Variants in KCNT2 observed in about 807,000 individuals in gnomAD.
KCNT2 encodes the protein potassium channel subfamily T member 2.
In KCNT2, 67 loss-of-function variants were observed where a neutral mutation model predicts 153.8. The ratio of observed to expected loss-of-function variants is 0.44; its 90% CI spans 0.36 to 0.53. The LOEUF (loss-of-function observed/expected upper bound fraction) is 0.53, where lower values mean the gene tolerates loss of function less well. Ranked by LOEUF, KCNT2 falls within the 20% of genes least tolerant of loss-of-function variation. KCNT2 has a pLI of 0.00. For missense variants in KCNT2, 975 were observed against 1,354.8 expected (o/e 0.72, Z 4.40); for synonymous variants, 500 against 458.8 (o/e 1.09, Z -1.15).
rs1159381740 is a variant in KCNT2, at chr1:196,398,575, T to C, written c.1282A>G (p.Ile428Val). ...GATAAAAACTTACCAGCAAATTTGA[T>C]GTGAAATTTATTTTCAGGCTTTAAT... ...QILKPENKFH[I>V]KFADHVVCEE... is the part of the protein sequence containing the mutation. Residue 428 changes from isoleucine (I) to valine (V), a missense_variant, in exon 13 of 28, where the codon ATC becomes GTC. Around this residue, in one of 6 missense-constraint regions of KCNT2, gnomAD observed 202 missense variants for 314.9 expected, o/e 0.64. Transcript: ENST00000294725. 1.3e-6 allele frequency: 2 copies of C among 1,587,050 alleles called. No homozygotes were observed. The highest frequency in any genetic ancestry group is 1.7e-6 in the Non-Finnish European group (2 of 1,157,802).
chr1:196,245,124 G>T (rs1352724055), intron 26 of KCNT2, among the ~76,000 whole-genome samples: 1 of 152,182 alleles, frequency 6.6e-6, no homozygotes, highest in Non-Finnish European at 1.5e-5. Flanking sequence ...GTCTGTAAGA[G>T]CCACAGCATT....
At chr1:196,240,008 C>T (rs1004243330) in intron 26 of KCNT2, among the ~76,000 whole-genome samples, 2 of 151,984 alleles carry the variant, frequency 1.3e-5, no homozygotes, top group African/African-American at 4.8e-5. Flanking sequence ...ATTTTGGGCA[C>T]CTTGATGTTG....
At chr1:196,573,660 C>T (rs375204362) in intron 1 of KCNT2, among the ~76,000 whole-genome samples, 32 of 150,712 alleles carry the variant, frequency 2.1e-4, no homozygotes, top group Middle Eastern at 3.4e-3. Context: ...AAGAAAGAGA[C>T]GGAAGGAGGA....
intron 5 of KCNT2, among the ~76,000 whole-genome samples, chr1:196,477,765 T>A (rs769132196): frequency 2.0e-5 from 3 of 152,202 alleles, no homozygotes; most frequent in Non-Finnish European, 4.4e-5. Context: ...CTTCCCTGAT[T>A]GTTCTATTAT....
chr1:196,599,566 G>A (rs12239898), intron 1 of KCNT2, among the ~76,000 whole-genome samples: 19,321 of 152,154 alleles, frequency 0.13, 3,848 homozygotes, highest in African/African-American at 0.43. Context: ...CTTTAAAGCC[G>A]TGGCATAATT....
At chr1:196,373,956 T>C (rs1668736298) in intron 13 of KCNT2, among the ~76,000 whole-genome samples, 1 of 151,758 alleles carries the variant, frequency 6.6e-6, no homozygotes, top group Non-Finnish European at 1.5e-5. Flanking sequence ...TGAGAGCACA[T>C]GGGAAAGTGC....
At chr1:196,478,522 CT>C (rs1678735356) in intron 5 of KCNT2, among the ~76,000 whole-genome samples, 1 of 152,140 alleles carries the variant, frequency 6.6e-6, no homozygotes, top group East Asian at 1.9e-4. Context: ...ATTGTGCTGT[CT>C]TTTCATCTTG....
chr1:196,438,722 T>C (rs775159044), intron 8 of KCNT2, among the ~76,000 whole-genome samples: 1 of 151,880 alleles, frequency 6.6e-6, no homozygotes, highest in Non-Finnish European at 1.5e-5. Flanking sequence ...CTGAGATTAA[T>C]TGAATAAAAG....
At chr1:196,300,236 T>C (rs1661058532) in intron 22 of KCNT2, among the ~76,000 whole-genome samples, 2 of 152,208 alleles carry the variant, frequency 1.3e-5, no homozygotes, top group African/African-American at 2.4e-5. Context: ...CTCCTCAAGA[T>C]GGCAAGGAAT....
intron 14 of KCNT2, among the ~76,000 whole-genome samples, chr1:196,347,345 A>G (rs979659543): frequency 6.6e-6 from 1 of 152,150 alleles, no homozygotes; most frequent in African/African-American, 2.4e-5. Flanking sequence ...ACTGATTTTG[A>G]ATGAGGGAGA....
intron 1 of KCNT2, among the ~76,000 whole-genome samples, chr1:196,502,059 G>T (rs2148767411): frequency 6.6e-6 from 1 of 152,300 alleles, no homozygotes; most frequent in East Asian, 1.9e-4. Context: ...AGAGGTTGCA[G>T]TGAGTTGAGA....
At chr1:196,485,703 T>C (rs929308002) in intron 3 of KCNT2, among the ~76,000 whole-genome samples, 2 of 151,934 alleles carry the variant, frequency 1.3e-5, no homozygotes, top group Non-Finnish European at 2.9e-5. Flanking sequence ...AAAGACATAC[T>C]TTTACCAGTT....
chr1:196,499,368 C>G (rs973738742), intron 1 of KCNT2, among the ~76,000 whole-genome samples: 1 of 152,220 alleles, frequency 6.6e-6, no homozygotes, highest in Non-Finnish European at 1.5e-5. Context: ...ATACCACGTT[C>G]ATTCATTAGA....
At chr1:196,467,829 C>G (rs1292731412) in intron 6 of KCNT2, 43 bp from the exon 7 acceptor site, 1 of 1,249,400 alleles carries the variant, frequency 8.0e-7, no homozygotes, top group African/African-American at 1.5e-5. Context: ...TATCTCAAAG[C>G]AATAAACCAT....
chr1:196,421,034 T>C (rs1049152810), intron 12 of KCNT2, among the ~76,000 whole-genome samples: 7 of 152,122 alleles, frequency 4.6e-5, no homozygotes, highest in Admixed American at 1.3e-4. Context: ...TTTCTGAGAC[T>C]GTTGAGGTTC....
intron 8 of KCNT2, among the ~76,000 whole-genome samples, chr1:196,462,953 A>G (rs1677281225): frequency 1.3e-5 from 2 of 151,698 alleles, no homozygotes. Context: ...ATATATAACC[A>G]AATTCTAGCC....
intron 13 of KCNT2, among the ~76,000 whole-genome samples, chr1:196,378,052 C>G (rs1049940536): frequency 3.9e-5 from 6 of 152,040 alleles, no homozygotes; most frequent in African/African-American, 1.4e-4. Flanking sequence ...TAGAAGAAAT[C>G]CACTCGAATT....
intron 1 of KCNT2, among the ~76,000 whole-genome samples, chr1:196,590,658 C>T (rs1013257040): frequency 6.6e-6 from 1 of 152,114 alleles, no homozygotes; most frequent in Non-Finnish European, 1.5e-5. Flanking sequence ...CTCACAAAAT[C>T]CTAAAGGTTG....
Position 196,388,064 on chromosome 1 carries a change from G to A in KCNT2, c.1294+10499C>T, listed in dbSNP as rs539646580. 1.9e-4 allele frequency among the ~76,000 whole-genome samples: 29 copies of A among 151,528 alleles called. No individual in the cohort carries two copies. In the South Asian group the frequency reaches 4.8e-3, roughly 25 times the overall value. On this transcript the variant is annotated intron_variant, in intron 13 of 27. Transcript: ENST00000294725. ...GTAGTCTCACTTTTTACATTTAAGA[G>A]TATAATTTATTTCAAGTTAATATTC...
Sources: gnomAD v4.1 joint callset for allele counts (sites outside exome capture counted in the v4.1 genomes callset) on GRCh38, gnomAD v4.1.1 for gene constraint, gnomAD v4.1.1 regional missense constraint, MANE v1.5 for transcripts, NCBI Gene and HGNC (gene_info 2026-07-23, HGNC 2026-07-21) for gene names.